TSHZ2: variants seen among roughly 807,000 people sequenced by gnomAD.
The protein encoded by TSHZ2 is teashirt homolog 2.
Under a neutral mutation model 74.4 loss-of-function variants are expected in TSHZ2, and 21 were observed. The observed-to-expected ratio is 0.28, with a 90% confidence interval of 0.20 to 0.41. TSHZ2 has a LOEUF of 0.41. Among genes scored for constraint, TSHZ2 ranks in the 10% least tolerant of loss-of-function variants. The pLI, the probability that TSHZ2 is intolerant of heterozygous loss-of-function variation, is 1.00. For missense variants in TSHZ2, 1,244 were observed against 1,293.5 expected (o/e 0.96, Z 0.59); for synonymous variants, 540 against 515.3 (o/e 1.05, Z -0.65).
intron 1 of TSHZ2, among the ~76,000 whole-genome samples, chr20:53,200,365 G>A (rs991531750): frequency 2.6e-5 from 4 of 152,190 alleles, no homozygotes; most frequent in Non-Finnish European, 5.9e-5. Context: ...GAAACACCAA[G>A]GATGCCAGTA....
intron 1 of TSHZ2, among the ~76,000 whole-genome samples, chr20:53,187,050 G>A (rs1988616587): frequency 6.6e-6 from 1 of 152,142 alleles, no homozygotes; most frequent in Admixed American, 6.5e-5. Flanking sequence ...GTTTTAAGCT[G>A]TGGAGGGAGC....
intron 1 of TSHZ2, among the ~76,000 whole-genome samples, chr20:53,143,971 G>A (rs1476272190): frequency 3.9e-5 from 6 of 152,154 alleles, no homozygotes; most frequent in African/African-American, 1.2e-4. Context: ...TGAAAAATGG[G>A]GAGTGCTGAT....
At chr20:53,030,428 C>T (rs140054966) in intron 1 of TSHZ2, among the ~76,000 whole-genome samples, 59 of 151,856 alleles carry the variant, frequency 3.9e-4, no homozygotes, top group Non-Finnish European at 6.5e-4. Flanking sequence ...AAAGAAATTC[C>T]GAACTCAGCC....
chr20:53,318,299 G>A (rs892716073), intron 2 of TSHZ2, among the ~76,000 whole-genome samples: 3 of 152,116 alleles, frequency 2.0e-5, no homozygotes, highest in Non-Finnish European at 4.4e-5. Context: ...CTGGAAACAG[G>A]CACTTTATAA....
chr20:53,452,752 G>A (rs1984851985), intron 2 of TSHZ2, among the ~76,000 whole-genome samples: 1 of 152,188 alleles, frequency 6.6e-6, no homozygotes. Flanking sequence ...TGTGTGTGAA[G>A]GAGGTACATG....
At chr20:52,994,443 T>TG (rs879819994) in intron 1 of TSHZ2, among the ~76,000 whole-genome samples, 68 of 143,170 alleles carry the variant, frequency 4.7e-4, no homozygotes, top group Non-Finnish European at 2.2e-4. Context: ...GATGAGTGAA[T>TG]GAATGGACGG....
intron 2 of TSHZ2, among the ~76,000 whole-genome samples, chr20:53,395,074 G>A (rs1366602126): frequency 6.6e-6 from 1 of 152,076 alleles, no homozygotes; most frequent in East Asian, 1.9e-4. Flanking sequence ...TTAAAGTGGA[G>A]GAAAGTAGAA....
At chr20:53,469,076 T>TATATATATATATATAA (rs1985667391) in intron 2 of TSHZ2, among the ~76,000 whole-genome samples, 1 of 133,838 alleles carries the variant, frequency 7.5e-6, no homozygotes, top group Non-Finnish European at 1.6e-5. Context: ...TATATATATA[T>TATATATATATATATAA]ATATATATGT....
intron 1 of TSHZ2, among the ~76,000 whole-genome samples, chr20:52,983,878 C>A (rs1255295234): frequency 3.3e-5 from 5 of 152,186 alleles, no homozygotes; most frequent in Admixed American, 3.3e-4. Context: ...TGCTCCGAGC[C>A]CCCCAGGACC....
chr20:53,176,678 CTTTG>C (rs1988347071), intron 1 of TSHZ2, among the ~76,000 whole-genome samples: 1 of 149,728 alleles, frequency 6.7e-6, no homozygotes, highest in Non-Finnish European at 1.5e-5. Context: ...AGTTGTATTT[CTTTG>C]TTTCTTTCTT....
chr20:53,116,243 G>A (rs1047507612), intron 1 of TSHZ2, among the ~76,000 whole-genome samples: 2 of 151,786 alleles, frequency 1.3e-5, no homozygotes, highest in African/African-American at 4.9e-5. Context: ...TGATGAAAAA[G>A]GAATGCACAT....
intron 1 of TSHZ2, among the ~76,000 whole-genome samples, chr20:53,113,163 G>A (rs1986579607): frequency 6.6e-6 from 1 of 152,238 alleles, no homozygotes; most frequent in South Asian, 2.1e-4. Flanking sequence ...TGGTCTTAAT[G>A]TGCTCTCTGG....
chr20:53,001,968 A>C (rs1982458096), intron 1 of TSHZ2, among the ~76,000 whole-genome samples: 1 of 152,188 alleles, frequency 6.6e-6, no homozygotes, highest in Non-Finnish European at 1.5e-5. Context: ...GGAAGTATAA[A>C]AAGAAAACGG....
In TSHZ2 at chr20:53,256,594, T is replaced by C; in HGVS notation, c.*8+23T>C. On this transcript the variant is annotated intron_variant, in intron 2 of 2. Transcript: ENST00000371497. This position sits in a 1 kb window ranked among gnomAD's most constrained non-coding sequence, Gnocchi z 4.3. The stretch of plus-strand genomic sequence containing the variant: ...CAGGTATGGGTTTGCTCTGAGGCAT[T>C]GCGATTAGCCTGGTGAGGAGCTTTC... The C allele has an allele frequency of 6.5e-7, 1 of 1,540,560 alleles. No individual in the cohort carries two copies. Among genetic ancestry groups the C allele is most frequent in the Non-Finnish European group, 8.8e-7 (1 of 1,139,676 alleles).
chr20:53,331,814 C>G (rs551053379), intron 2 of TSHZ2, among the ~76,000 whole-genome samples: 1 of 152,168 alleles, frequency 6.6e-6, no homozygotes, highest in African/African-American at 2.4e-5. Flanking sequence ...GGGCAGGAAC[C>G]CCTTCCTGGT....
chr20:53,138,888 G>T (rs1399614314), intron 1 of TSHZ2, among the ~76,000 whole-genome samples: 2 of 152,196 alleles, frequency 1.3e-5, no homozygotes, highest in Admixed American at 6.5e-5. Flanking sequence ...ACAGAGAAGG[G>T]CTCAAACATT....
chr20:53,486,168 G>A (rs1209826814), intron 2 of TSHZ2, among the ~76,000 whole-genome samples: 2 of 152,076 alleles, frequency 1.3e-5, no homozygotes, highest in African/African-American at 4.8e-5. Flanking sequence ...TTTTGTGACT[G>A]GCTTATTTTC....
intron 2 of TSHZ2, among the ~76,000 whole-genome samples, chr20:53,457,292 T>C (rs1985136013): frequency 7.1e-6 from 1 of 140,286 alleles, no homozygotes; most frequent in Non-Finnish European, 1.5e-5. Flanking sequence ...TAAGTTGGAT[T>C]CCTAGGTATT....
At chr20:53,107,301 T>C (rs1044425160) in intron 1 of TSHZ2, among the ~76,000 whole-genome samples, 2 of 152,198 alleles carry the variant, frequency 1.3e-5, no homozygotes, top group Admixed American at 6.5e-5. Context: ...AGCCATGTGA[T>C]TGGCAAGTTA....
Sources: gnomAD v4.1 joint callset for allele counts (sites outside exome capture counted in the v4.1 genomes callset) on GRCh38, gnomAD v4.1.1 for gene constraint, Gnocchi (gnomAD v3.1) non-coding constraint, MANE v1.5 for transcripts, NCBI Gene and HGNC (gene_info 2026-07-23, HGNC 2026-07-21) for gene names.